Variants in CPNE2 observed in about 807,000 individuals in gnomAD.
CPNE2 encodes the protein copine-2.
Under a neutral mutation model 69.7 loss-of-function variants are expected in CPNE2, and 42 were observed. The ratio of observed to expected loss-of-function variants is 0.60; its 90% CI spans 0.47 to 0.78. The LOEUF (loss-of-function observed/expected upper bound fraction) is 0.78. Ranked by LOEUF, CPNE2 falls within the 30% of genes least tolerant of loss-of-function variation. The probability of loss-of-function intolerance (pLI) is 0.00; values close to 1 mark genes in which losing one functional copy is unlikely to be tolerated. For missense variants in CPNE2, 587 were observed against 732.0 expected, an observed-to-expected ratio of 0.80 and a Z score of 2.29; for synonymous variants, 294 against 289.8, an observed-to-expected ratio of 1.01 and a Z score of -0.15.
chr16:57,106,521 T>C (rs1210059751), intron 1 of CPNE2, among the ~76,000 whole-genome samples: 1 of 152,046 alleles, frequency 6.6e-6, no homozygotes, highest in African/African-American at 2.4e-5. Flanking sequence ...TCTGGGTGCG[T>C]ATGTGTATGT....
At chr16:57,104,129 C>T (rs1313754234) in intron 1 of CPNE2, among the ~76,000 whole-genome samples, 2 of 152,162 alleles carry the variant, frequency 1.3e-5, no homozygotes, top group Non-Finnish European at 2.9e-5. Flanking sequence ...GTTGGCCAGG[C>T]TGGTCTTGAA....
At position 57,130,597 on chromosome 16, in the gene CPNE2, G is replaced by A. The variant is rs2069830745; in HGVS notation, c.1116+2694G>A. ...CACCAAAGCCAATGAGGTAGGCCCTGTTATGAACCCATTTTGATCGTTGAG... is the reference window on the plus strand; with the variant it reads ...CACCAAAGCCAATGAGGTAGGCCCTATTATGAACCCATTTTGATCGTTGAG... On this transcript the variant is annotated intron_variant, in intron 12 of 15. Transcript: ENST00000290776. The surrounding 1 kb of genome is among the most constrained non-coding windows in gnomAD (Gnocchi z 4.1). 6.6e-6 allele frequency among the ~76,000 whole-genome samples: 1 copy of A among 152,046 alleles called. No individual in the cohort carries two copies. Among genetic ancestry groups the A allele is most frequent in the Non-Finnish European group, 1.5e-5 (1 of 68,018 alleles).
intron 11 of CPNE2, among the ~76,000 whole-genome samples, chr16:57,127,513 C>T (rs776384563): frequency 9.2e-5 from 14 of 152,198 alleles, no homozygotes; most frequent in Non-Finnish European, 1.9e-4. Flanking sequence ...CCAGTACATT[C>T]ATTCTACTTC....
intron 11 of CPNE2, 94 bp downstream of exon 11, chr16:57,126,087 A>G: frequency 6.7e-7 from 1 of 1,493,538 alleles, no homozygotes; most frequent in Non-Finnish European, 9.1e-7. Context: ...AGAGATCATC[A>G]AATCTAGGAA....
chr16:57,141,434 C>T (rs1030890570), intron 14 of CPNE2: 1 of 152,294 alleles, frequency 6.6e-6, no homozygotes, highest in African/African-American at 2.4e-5. Context: ...CTGTCACCCA[C>T]CCAGGCTGTG....
chr16:57,127,595 C>T (rs1165874197), intron 11 of CPNE2, among the ~76,000 whole-genome samples: 4 of 152,148 alleles, frequency 2.6e-5, no homozygotes, highest in Admixed American at 6.5e-5. Flanking sequence ...GAAGCTGTGC[C>T]CAGGCCCATT....
intron 5 of CPNE2, among the ~76,000 whole-genome samples, chr16:57,118,542 T>G (rs192585073): frequency 1.3e-5 from 2 of 152,034 alleles, no homozygotes; most frequent in East Asian, 3.9e-4. Context: ...AGTTGCCAGG[T>G]GCAGCGGCTC....
chr16:57,093,390 T>C (rs2069557139), intron 1 of CPNE2, among the ~76,000 whole-genome samples: 1 of 151,754 alleles, frequency 6.6e-6, no homozygotes, highest in Admixed American at 6.6e-5. Flanking sequence ...TTAAAGGGGG[T>C]GTGGGGGTGG....
At position 57,110,814 on chromosome 16, in the gene CPNE2, C is replaced by T. The variant is rs1243086061; in HGVS notation, c.72C>T (p.Cys24=). Residue 24 remains cysteine, a synonymous_variant, in exon 2 of 16, where the codon TGC becomes TGT. Coordinates refer to ENST00000290776, the MANE Select transcript of CPNE2 (RefSeq NM_152727.6). Reference sequence around the variant, plus strand: ...CCATGGGCCCCCAGTATTGCGTGTGCAAGGTGGAGCTGTCAGTGAGTGGCC... The same window carrying T: ...CCATGGGCCCCCAGTATTGCGTGTGTAAGGTGGAGCTGTCAGTGAGTGGCC... ...AAPMGPQYCV[C]KVELSVSGQN... 1.2e-6 allele frequency: 2 copies of T among 1,613,954 alleles called. No homozygotes were observed. The highest frequency in any genetic ancestry group is 4.5e-5 in the East Asian group (2 of 44,854).
chr16:57,094,284 G>A (rs1222666459), intron 1 of CPNE2, among the ~76,000 whole-genome samples: 2 of 152,154 alleles, frequency 1.3e-5, no homozygotes, highest in African/African-American at 4.8e-5. Context: ...ACTGTGACAT[G>A]ATCCAGCTTA....
At chr16:57,119,486 C>A in intron 6 of CPNE2, 75 bp from the exon 7 acceptor site, 2 of 1,298,132 alleles carry the variant, frequency 1.5e-6, no homozygotes, top group East Asian at 2.4e-5. Context: ...GTCACCCTGT[C>A]CCCATTGGGC....
intron 1 of CPNE2, among the ~76,000 whole-genome samples, chr16:57,095,021 G>A (rs2069569613): frequency 1.3e-5 from 2 of 152,192 alleles, no homozygotes. Flanking sequence ...CAGCCTGATG[G>A]AGGTCTCTGT....
At chr16:57,106,346 G>A (rs1386610315) in intron 1 of CPNE2, among the ~76,000 whole-genome samples, 1 of 152,118 alleles carries the variant, frequency 6.6e-6, no homozygotes, top group East Asian at 1.9e-4. Context: ...TCCTGCCCAC[G>A]CCCTCAGTCA....
intron 4 of CPNE2, among the ~76,000 whole-genome samples, chr16:57,115,810 G>A (rs188145825): frequency 6.6e-6 from 1 of 152,368 alleles, no homozygotes; most frequent in African/African-American, 2.4e-5. Context: ...CTCCCCTGGG[G>A]GTCGTTCAGA....
chr16:57,120,270 C>CAA (rs201770187), intron 7 of CPNE2, among the ~76,000 whole-genome samples: 123 of 118,950 alleles, frequency 1.0e-3, no homozygotes, highest in African/African-American at 3.7e-3. Context: ...GATTCTGTCT[C>CAA]AAAAAAAAAA....
intron 4 of CPNE2, among the ~76,000 whole-genome samples, chr16:57,115,811 G>T (rs180700430): frequency 3.8e-4 from 58 of 152,364 alleles, no homozygotes; most frequent in Non-Finnish European, 7.2e-4. Flanking sequence ...TCCCCTGGGG[G>T]TCGTTCAGAA....
At chr16:57,124,639 T>C (rs1443326396) in intron 10 of CPNE2, 7 of 294,308 alleles carry the variant, frequency 2.4e-5, no homozygotes, top group African/African-American at 1.5e-4. Flanking sequence ...GTGCCACTCA[T>C]CCTGGCTTTG....
intron 7 of CPNE2, among the ~76,000 whole-genome samples, 154 bp from the exon 8 acceptor site, chr16:57,120,939 G>A (rs1416767167): frequency 6.6e-6 from 1 of 152,100 alleles, no homozygotes; most frequent in Non-Finnish European, 1.5e-5. Context: ...CTTCCTGCAG[G>A]AGGCAGTTCA....
rs1348744860 is a variant in CPNE2 at position 57,146,640 on chromosome 16, A to C, written c.1539+319A>C. The C allele has an allele frequency of 1.8e-5, 6 of 325,880 alleles. No homozygotes were observed. The highest frequency in any genetic ancestry group is 1.3e-4 in the African/African-American group (6 of 46,556). 20.2% of individuals were successfully genotyped at this position (325,880 alleles called of 1,614,324 possible). A position where few individuals can be genotyped will look rare whatever the true frequency, so the allele number is the denominator to read the frequency against. On this transcript the variant is annotated intron_variant, in intron 15 of 15. Coordinates refer to ENST00000290776, the MANE Select transcript of CPNE2 (RefSeq NM_152727.6). This position sits in a 1 kb window ranked among gnomAD's most constrained non-coding sequence, Gnocchi z 4.4. ...GTCTGATGAGAGGCTGGGGCTATCC[A>C]TGTGGTGTAAAGTGCAGGAGGAGAG...
Sources: allele counts gnomAD v4.1 joint callset (sites outside exome capture counted in the v4.1 genomes callset), GRCh38; gene constraint gnomAD v4.1.1; non-coding constraint Gnocchi (gnomAD v3.1); transcripts MANE v1.5; gene names NCBI Gene and HGNC (gene_info 2026-07-23, HGNC 2026-07-21).